Variants in CBX2 observed in about 807,000 individuals in gnomAD.
CBX2 encodes chromobox protein homolog 2.
In CBX2, 11 loss-of-function variants were observed where a neutral mutation model predicts 21.0. That is an observed-to-expected ratio of 0.52 (90% CI 0.33 to 0.87). The LOEUF is 0.87. CBX2 is among the 40% of genes least tolerant of loss of function. The pLI is 0.02. For synonymous variants in CBX2, 364 were observed against 304.6 expected (o/e 1.19, Z -2.03); for missense variants, 746 against 724.3 (o/e 1.03, Z -0.34).
rs1158579995 is a variant in CBX2, at chr17:79,785,464, A to G, written c.*422A>G. 3 of 251,224 alleles carry G rather than the reference A, an allele frequency of 1.2e-5. No homozygotes were observed. The highest frequency in any genetic ancestry group is 4.9e-5 in the Admixed American group (1 of 20,510). 15.6% of individuals were successfully genotyped at this position (251,224 alleles called of 1,614,324 possible). A position where few individuals can be genotyped will look rare whatever the true frequency, so the allele number is the denominator to read the frequency against. On this transcript the variant is annotated 3_prime_UTR_variant, in exon 5 of 5. Coordinates refer to ENST00000310942, the MANE Select transcript of CBX2 (RefSeq NM_005189.3). Reference sequence around the variant, plus strand: ...GCAGGGGCTGAGGTGTCAGGAGGGGACTTCTGGCCCACCTTGCCTTCAGCC... The same window carrying G: ...GCAGGGGCTGAGGTGTCAGGAGGGGGCTTCTGGCCCACCTTGCCTTCAGCC...
chr17:79,784,105 C>A lies in CBX2; in HGVS notation c.662C>A (p.Ala221Asp). The A allele has an allele frequency of 1.2e-6, 2 of 1,611,810 alleles. No homozygotes were observed. Among genetic ancestry groups the A allele is most frequent in the Non-Finnish European group, 1.7e-6 (2 of 1,179,340 alleles). ...GCTCTGAAGGCCCACGCCAAGGAGG[C>A]CTGTGGCGGCCCCAGTGCCATGGCC... ...LAALKAHAKE[A>D]CGGPSAMATP... Residue 221 changes from alanine (A) to aspartate (D), a missense_variant, in exon 5 of 5, where the codon GCC becomes GAC. Ala to Asp is a moderately radical substitution (Grantham distance 126). This residue lies in a region of CBX2 where 701 missense variants were observed against 650.7 expected (regional missense o/e 1.08). Coordinates refer to ENST00000310942, the MANE Select transcript of CBX2 (RefSeq NM_005189.3). The surrounding 1 kb of genome is among the most constrained non-coding windows in gnomAD (Gnocchi z 5.9).
At chr17:79,779,288 G>A in intron 2 of CBX2, 74 bp from the exon 3 acceptor site, 1 of 1,425,404 alleles carries the variant, frequency 7.0e-7, no homozygotes, top group Non-Finnish European at 9.8e-7. Context: ...GTGAGGGCGA[G>A]CCCCCTCGGG....
chr17:79,781,636 C>T lies in CBX2; in HGVS notation c.183-60C>T. ...TAGGGTGCTGGAAGCCATAGAGTCC[C>T]ACATGGTAGAAGGGGTACGCACAGG... On this transcript the variant is annotated intron_variant, in intron 3 of 4. Transcript: ENST00000310942. 3.5e-6 allele frequency: 5 copies of T among 1,443,160 alleles called. No individual in the cohort carries two copies. In the Admixed American group the frequency reaches 5.0e-5, roughly 14 times the overall value. The allele number at this position is 1,443,160 out of a possible 1,614,324, so 89.4% of individuals were successfully genotyped here. A position where few individuals can be genotyped will look rare whatever the true frequency, so the allele number is the denominator to read the frequency against.
Position 79,784,952 on chromosome 17 carries a change from A to G in CBX2, c.1509A>G (p.Val503=), listed in dbSNP as rs375182174. Residue 503 remains valine (V), a synonymous_variant, in exon 5 of 5, where the codon GTA becomes GTG. Coordinates refer to ENST00000310942, the MANE Select transcript of CBX2 (RefSeq NM_005189.3). This position sits in a 1 kb window ranked among gnomAD's most constrained non-coding sequence, Gnocchi z 5.9. ...CCACCCGCAGCCTCATCGAGCACGT[A>G]TTTGTCACCGACGTCACTGCCAACC... is the stretch of plus-strand genomic sequence containing the variant. ...WKPTRSLIEH[V]FVTDVTANLI... The G allele has an allele frequency of 8.7e-6, 14 of 1,611,628 alleles. No homozygotes were observed. In the African/African-American group the frequency reaches 1.5e-4, roughly 17 times the overall value.
intron 4 of CBX2, 33 bp from the exon 5 acceptor site, chr17:79,783,699 T>C (rs1555830932): frequency 6.5e-7 from 1 of 1,543,038 alleles, no homozygotes. Flanking sequence ...CGTGAGCCAC[T>C]GCACCCAGCC....
chr17:79,783,608 C>T (rs1220063275), intron 4 of CBX2, 124 bp from the exon 5 acceptor site: 2 of 823,052 alleles, frequency 2.4e-6, no homozygotes, highest in African/African-American at 3.4e-5. Flanking sequence ...CAGGGCTCCA[C>T]TATGTTGGCC....
rs1369218419 is a variant in CBX2, at chr17:79,787,515, C to T, written c.*2473C>T. On this transcript the variant is annotated 3_prime_UTR_variant, in exon 5 of 5. Transcript: ENST00000310942. ...GTCACTGGGAACTGCACCAGATGCT[C>T]AGACTTGGTTGTCTTATGTTTACCA... 2.0e-5 allele frequency: 3 copies of T among 152,684 alleles called. No individual in the cohort carries two copies. The highest frequency in any genetic ancestry group is 7.2e-5 in the African/African-American group (3 of 41,460). 9.5% of individuals were successfully genotyped at this position (152,684 alleles called of 1,614,324 possible).
Position 79,778,460 on chromosome 17 carries a change from G to GC in CBX2, c.116+38dup. On this transcript the variant is annotated intron_variant, in intron 2 of 4. Coordinates refer to ENST00000310942, the MANE Select transcript of CBX2 (RefSeq NM_005189.3). The surrounding 1 kb of genome is among the most constrained non-coding windows in gnomAD (Gnocchi z 4.8). ...CCCCGCGACGCCGCGCCCCCCTCCCGCCCCCTCGCCCGGGGGTGGGGACGT... is the reference window on the plus strand; with the variant it reads ...CCCCGCGACGCCGCGCCCCCCTCCCGCCCCCCTCGCCCGGGGGTGGGGACGT... 2 of 1,405,064 alleles carry GC rather than the reference G, an allele frequency of 1.4e-6. No homozygotes were observed. Among genetic ancestry groups the GC allele is most frequent in the Non-Finnish European group, 1.9e-6 (2 of 1,046,640 alleles). The allele number at this position is 1,405,064 out of a possible 1,614,324, so 87.0% of individuals were successfully genotyped here.
At chr17:79,783,117 A>T (rs1907356953) in intron 4 of CBX2, among the ~76,000 whole-genome samples, 1 of 152,234 alleles carries the variant, frequency 6.6e-6, no homozygotes, top group Non-Finnish European at 1.5e-5. Context: ...GCCCGGAGCT[A>T]AATCTGCATC....
At position 79,785,764 on chromosome 17, in the gene CBX2, C is replaced by T. The variant is rs1907591562; in HGVS notation, c.*722C>T. 1 of 152,828 alleles carries T rather than the reference C, an allele frequency of 6.5e-6. No individual in the cohort carries two copies. The highest frequency in any genetic ancestry group is 6.5e-5 in the Admixed American group (1 of 15,334). 9.5% of individuals were successfully genotyped at this position (152,828 alleles called of 1,614,324 possible). A position where few individuals can be genotyped will look rare whatever the true frequency, so the allele number is the denominator to read the frequency against. Reference sequence around the variant, plus strand: ...ATCTAGCCCCAGTTCAGGGCAGCATCCATAGCCCACAAGCCAGCGTGGGTG... The same window carrying T: ...ATCTAGCCCCAGTTCAGGGCAGCATTCATAGCCCACAAGCCAGCGTGGGTG... On this transcript the variant is annotated 3_prime_UTR_variant, in exon 5 of 5. Coordinates refer to ENST00000310942, the MANE Select transcript of CBX2 (RefSeq NM_005189.3).
At chr17:79,777,952 C>A (rs1407587646), upstream of CBX2, among the ~76,000 whole-genome samples, 8 of 144,012 alleles carry the variant, frequency 5.6e-5, no homozygotes, top group Non-Finnish European at 1.1e-4. Context: ...CCCGGGGCCC[C>A]GCGCGGGACC....
At chr17:79,782,584 C>T in intron 4 of CBX2, 1 of 813,614 alleles carries the variant, frequency 1.2e-6, no homozygotes, top group Non-Finnish European at 1.5e-6. Context: ...ACCTGCCTTT[C>T]CAGGAGGATT....
rs782445470 is a variant in CBX2 at position 79,784,862 on chromosome 17, C to T, written c.1419C>T (p.Ser473=). The change falls in exon 5 of 5, where the codon TCC becomes TCT. Residue 473 remains serine, a synonymous_variant. Transcript: ENST00000310942. The surrounding 1 kb of genome is among the most constrained non-coding windows in gnomAD (Gnocchi z 5.9). ...GCAGCTCGGACTCCGACCCCGACTC[C>T]GCCTCGCCGCCCAGCACTGGACAGA... ...ESSSSDSDPD[S]ASPPSTGQNP... 1.2e-5 allele frequency: 19 copies of T among 1,613,038 alleles called. No individual in the cohort carries two copies. The highest frequency in any genetic ancestry group is 3.3e-5 in the Admixed American group (2 of 59,990).
chr17:79,781,611 T>A (rs570103121), intron 3 of CBX2, 85 bp from the exon 4 acceptor site: 1 of 1,143,212 alleles, frequency 8.7e-7, no homozygotes, highest in African/African-American at 1.5e-5. Flanking sequence ...CCAACAGGAA[T>A]AGGGTGCTGG....
chr17:79,783,622 C>G, intron 4 of CBX2, 110 bp from the exon 5 acceptor site: 1 of 920,062 alleles, frequency 1.1e-6, no homozygotes, highest in South Asian at 1.4e-5. Context: ...GTTGGCCAGG[C>G]TGGTCTTGAA....
Position 79,778,532 on chromosome 17 carries a change from C to T in CBX2, c.116+105C>T. The T allele has an allele frequency of 1.5e-6, 1 of 656,476 alleles. No homozygotes were observed. The highest frequency in any genetic ancestry group is 3.6e-5 in the East Asian group (1 of 27,718). 40.7% of individuals were successfully genotyped at this position (656,476 alleles called of 1,614,324 possible). On this transcript the variant is annotated intron_variant, in intron 2 of 4. Coordinates refer to ENST00000310942, the MANE Select transcript of CBX2 (RefSeq NM_005189.3). The surrounding 1 kb of genome is among the most constrained non-coding windows in gnomAD (Gnocchi z 4.8). ...CCGGTGGCCTGGGGGCGCCCGCGGG[C>T]AGAGCGGGAAGTTCGCGGGGTCCCC...
At chr17:79,779,502 C>CGCCT (rs797037132) in intron 3 of CBX2, 75 bp downstream of exon 3, 18 of 1,375,840 alleles carry the variant, frequency 1.3e-5, no homozygotes, top group African/African-American at 2.9e-5. Flanking sequence ...GGGCGCTGCT[C>CGCCT]GCCTGCCGGG....
rs782430873 is a variant in CBX2 at position 79,785,978 on chromosome 17, C to T, written c.*936C>T. ...AAGCATGTTCCATTTCTAAAAAGCCCAGAGTTCAGTGTGTCCCAAGGAAAA... is the reference window on the plus strand; with the variant it reads ...AAGCATGTTCCATTTCTAAAAAGCCTAGAGTTCAGTGTGTCCCAAGGAAAA... On this transcript the variant is annotated 3_prime_UTR_variant, in exon 5 of 5. Transcript: ENST00000310942. The T allele has an allele frequency of 6.6e-6, 1 of 152,576 alleles. No homozygotes were observed. The highest frequency in any genetic ancestry group is 1.5e-5 in the Non-Finnish European group (1 of 68,328). 9.5% of individuals were successfully genotyped at this position (152,576 alleles called of 1,614,324 possible).
chr17:79,784,490 G>C lies in CBX2; in HGVS notation c.1047G>C (p.Gln349His), dbSNP rs782367198. 26 of 1,612,638 alleles carry C rather than the reference G, an allele frequency of 1.6e-5. No individual in the cohort carries two copies. Among genetic ancestry groups the C allele is most frequent in the Non-Finnish European group, 2.2e-5 (26 of 1,179,926 alleles). The change falls in exon 5 of 5, where the codon CAG (glutamine) becomes CAC (histidine). Residue 349 changes from glutamine (Q) to histidine (H), a missense_variant. Coordinates refer to ENST00000310942, the MANE Select transcript of CBX2 (RefSeq NM_005189.3). The surrounding 1 kb of genome is among the most constrained non-coding windows in gnomAD (Gnocchi z 5.9). ...GCPGPQPAPT[Q>H]ELSLQVLDLQ... Reference sequence around the variant, plus strand: ...CAGGCCCCCAGCCAGCACCCACCCAGGAGCTGAGCCTCCAGGTCTTGGACT... The same window carrying C: ...CAGGCCCCCAGCCAGCACCCACCCACGAGCTGAGCCTCCAGGTCTTGGACT...
Sources: allele counts gnomAD v4.1 joint callset (sites outside exome capture counted in the v4.1 genomes callset), GRCh38; gene constraint gnomAD v4.1.1; regional missense constraint gnomAD v4.1.1; non-coding constraint Gnocchi (gnomAD v3.1); transcripts MANE v1.5; gene names NCBI Gene and HGNC (gene_info 2026-07-23, HGNC 2026-07-21).